PIK3CB: variants seen among roughly 807,000 people sequenced by gnomAD.
PIK3CB encodes phosphatidylinositol 4,5-bisphosphate 3-kinase catalytic subunit beta isoform.
Under a neutral mutation model 136.8 loss-of-function variants are expected in PIK3CB, and 39 were observed. The observed-to-expected ratio is 0.29, with a 90% CI of 0.22 to 0.37. The LOEUF (loss-of-function observed/expected upper bound fraction) is 0.37, where lower values mean the gene tolerates loss of function less well. Among genes scored for constraint, PIK3CB ranks in the 10% least tolerant of loss-of-function variants. The pLI, the probability that PIK3CB is intolerant of heterozygous loss-of-function variation, is 1.00. For synonymous variants in PIK3CB, 428 were observed against 436.6 expected (o/e 0.98, Z 0.25); for missense variants, 868 against 1,275.4 (o/e 0.68, Z 4.87).
intron 6 of PIK3CB, among the ~76,000 whole-genome samples, chr3:138,736,861 C>T (rs925433004): frequency 1.2e-4 from 19 of 152,122 alleles, no homozygotes; most frequent in African/African-American, 4.1e-4. Flanking sequence ...GGAAATTCCA[C>T]GCATAAATAT....
At chr3:138,671,753 A>C (rs2043537268) in intron 19 of PIK3CB, among the ~76,000 whole-genome samples, 1 of 152,270 alleles carries the variant, frequency 6.6e-6, no homozygotes, top group South Asian at 2.1e-4. Context: ...CTCCTTGGCC[A>C]GTTGCCATGA....
intron 1 of PIK3CB, among the ~76,000 whole-genome samples, chr3:138,816,721 TGA>T (rs1209954239): frequency 2.0e-5 from 3 of 152,160 alleles, no homozygotes; most frequent in Non-Finnish European, 4.4e-5. Context: ...ACCCTCACTG[TGA>T]GTCACCAAAT....
At chr3:138,690,920 A>C in intron 15 of PIK3CB, 80 bp downstream of exon 15, 1 of 1,136,054 alleles carries the variant, frequency 8.8e-7, no homozygotes, top group Non-Finnish European at 1.3e-6. Context: ...TAAAGCAGCT[A>C]TTTTTCTATT....
At chr3:138,680,992 T>C (rs2043763276) in intron 19 of PIK3CB, among the ~76,000 whole-genome samples, 1 of 151,748 alleles carries the variant, frequency 6.6e-6, no homozygotes, top group Non-Finnish European at 1.5e-5. Flanking sequence ...ACGGCCCAAT[T>C]GTTCTTATAA....
intron 2 of PIK3CB, among the ~76,000 whole-genome samples, chr3:138,761,757 G>C (rs372508794): frequency 1.3e-5 from 2 of 151,262 alleles, no homozygotes; most frequent in Admixed American, 1.3e-4. Context: ...GCAACACAGC[G>C]AGACTTCGTC....
chr3:138,775,714 G>A (rs929926928), intron 2 of PIK3CB, among the ~76,000 whole-genome samples: 1 of 151,958 alleles, frequency 6.6e-6, no homozygotes, highest in Non-Finnish European at 1.5e-5. Flanking sequence ...GGAGTTACAT[G>A]GTTTGGAATA....
chr3:138,805,077 G>A (rs2046217932), intron 1 of PIK3CB, among the ~76,000 whole-genome samples: 1 of 151,350 alleles, frequency 6.6e-6, no homozygotes, highest in African/African-American at 2.4e-5. Flanking sequence ...GCTCACGCCT[G>A]TAAACCCAAC....
rs201991595 is a variant in PIK3CB at position 138,760,047 on chromosome 3, G to C, written c.-16-688C>G. On this transcript the variant is annotated intron_variant, in intron 2 of 23. Transcript: ENST00000674063. ...CGCCATTCTCCTGCCTCAGCCTCCCGAGTAGCTGAGACTACAGGCGCCTGC... is the reference window on the plus strand; with the variant it reads ...CGCCATTCTCCTGCCTCAGCCTCCCCAGTAGCTGAGACTACAGGCGCCTGC... 2.6e-3 allele frequency among the ~76,000 whole-genome samples: 396 copies of C among 151,880 alleles called. 4 individuals carry two copies. The highest frequency in any genetic ancestry group is 9.3e-3 in the African/African-American group (386 of 41,394).
chr3:138,810,017 C>G (rs920809143), intron 1 of PIK3CB, among the ~76,000 whole-genome samples: 1 of 152,116 alleles, frequency 6.6e-6, no homozygotes, highest in Admixed American at 6.6e-5. Flanking sequence ...CAAACACACA[C>G]ATACACACAC....
intron 1 of PIK3CB, among the ~76,000 whole-genome samples, chr3:138,826,949 A>T (rs1477842499): frequency 6.6e-6 from 1 of 152,092 alleles, no homozygotes; most frequent in Non-Finnish European, 1.5e-5. Context: ...GGCACCTGTA[A>T]TCCCAGCTAC....
chr3:138,694,695 T>C (rs1559820460), intron 14 of PIK3CB, 91 bp downstream of exon 14: 4 of 1,339,422 alleles, frequency 3.0e-6, no homozygotes, highest in East Asian at 4.8e-5. Flanking sequence ...TCTGAGCCCT[T>C]TTCTTTCTTA....
chr3:138,673,970 C>T (rs1011409543), intron 19 of PIK3CB, among the ~76,000 whole-genome samples: 2 of 152,106 alleles, frequency 1.3e-5, no homozygotes, highest in Admixed American at 6.6e-5. Context: ...TGACTCAGAC[C>T]TCACCTAGCA....
At chr3:138,770,833 T>C (rs9843519) in intron 2 of PIK3CB, among the ~76,000 whole-genome samples, 2,932 of 151,864 alleles carry the variant, frequency 0.019, 38 homozygotes, top group Non-Finnish European at 0.031. Context: ...TGCCTCAGTC[T>C]CCCGAGAAGC....
chr3:138,746,075 C>T (rs2045349241), intron 4 of PIK3CB, among the ~76,000 whole-genome samples: 1 of 151,720 alleles, frequency 6.6e-6, no homozygotes, highest in African/African-American at 2.4e-5. Flanking sequence ...AGTGAGACCT[C>T]ATCTCTATAA....
In PIK3CB at chr3:138,691,068, G is replaced by C; in HGVS notation, c.1968C>G (p.Leu656=). 2 of 1,611,554 alleles carry C rather than the reference G, an allele frequency of 1.2e-6. No homozygotes were observed. Among genetic ancestry groups the C allele is most frequent in the African/African-American group, 1.3e-5 (1 of 74,998 alleles). The change falls in exon 15 of 24, where the codon CTC becomes CTG. Residue 656 remains leucine (L), a synonymous_variant. Coordinates refer to ENST00000674063, the MANE Select transcript of PIK3CB (RefSeq NM_006219.3). Reference sequence around the variant, plus strand: ...GTGCTCTTTCTAATAGGAATCTAGAGAGGGCACAATCAAGAAAAGGCTCAT... The same window carrying C: ...GTGCTCTTTCTAATAGGAATCTAGACAGGGCACAATCAAGAAAAGGCTCAT... ...LKYEPFLDCA[L]SRFLLERALG...
intron 16 of PIK3CB, chr3:138,685,012 A>C: frequency 2.2e-6 from 1 of 462,616 alleles, no homozygotes. Context: ...CATCATTTTC[A>C]AACTTTCTTT....
chr3:138,664,529 T>G (rs1479921426), intron 20 of PIK3CB, among the ~76,000 whole-genome samples: 4 of 152,220 alleles, frequency 2.6e-5, no homozygotes, highest in African/African-American at 9.6e-5. Context: ...ATATTACAAG[T>G]TCTCGATAAA....
intron 2 of PIK3CB, among the ~76,000 whole-genome samples, chr3:138,791,760 G>A (rs147211751): frequency 1.5e-3 from 231 of 152,142 alleles, no homozygotes; most frequent in African/African-American, 5.2e-3. Flanking sequence ...ATACCCAGAG[G>A]GCCTGCTCCC....
intron 2 of PIK3CB, among the ~76,000 whole-genome samples, chr3:138,771,410 G>A (rs968653002): frequency 2.4e-4 from 36 of 151,864 alleles, no homozygotes; most frequent in African/African-American, 8.2e-4. Flanking sequence ...TAGTAGATAC[G>A]GGATTTCACG....
Sources: allele counts gnomAD v4.1 joint callset (sites outside exome capture counted in the v4.1 genomes callset), GRCh38; gene constraint gnomAD v4.1.1; transcripts MANE v1.5; gene names NCBI Gene and HGNC (gene_info 2026-07-23, HGNC 2026-07-21).